Variants in CDKL1 observed in about 807,000 individuals in gnomAD.
CDKL1 encodes the protein cyclin dependent kinase like 1.
CDKL1 carries 41 observed loss-of-function variants against 42.0 expected under a neutral mutation model. The observed-to-expected ratio is 0.98, with a 90% CI of 0.76 to 1.27. CDKL1 has a LOEUF of 1.27. Ranked by LOEUF, CDKL1 falls within the 50% of genes most tolerant of loss-of-function variation. The pLI, the probability that CDKL1 is intolerant of heterozygous loss-of-function variation, is 0.00. For missense variants in CDKL1, 394 were observed against 428.4 expected, an observed-to-expected ratio of 0.92 and a Z score of 0.71; for synonymous variants, 153 against 158.6, an observed-to-expected ratio of 0.96 and a Z score of 0.26.
intron 7 of CDKL1, chr14:50,335,381 G>C: frequency 9.5e-7 from 1 of 1,048,512 alleles, no homozygotes; most frequent in Non-Finnish European, 1.4e-6. Context: ...CCCCTACCCA[G>C]GTGAACAGAT....
intron 3 of CDKL1, among the ~76,000 whole-genome samples, chr14:50,352,397 T>C (rs1181014330): frequency 6.6e-6 from 1 of 152,060 alleles, no homozygotes; most frequent in African/African-American, 2.4e-5. Context: ...TGGCAAAATT[T>C]ACAACTCAAA....
At chr14:50,353,529 GAATTT>G (rs56945220) in intron 3 of CDKL1, among the ~76,000 whole-genome samples, 95,997 of 151,298 alleles carry the variant, frequency 0.63, 30,517 homozygotes, top group African/African-American at 0.65. Flanking sequence ...ATATTACTAA[GAATTT>G]ATCCTAAAGA....
At chr14:50,390,297 G>A (rs1309132893) in intron 2 of CDKL1, 2 of 1,366,256 alleles carry the variant, frequency 1.5e-6, no homozygotes, top group Non-Finnish European at 2.0e-6. Flanking sequence ...TAGAACGTCT[G>A]CCCAGGGATC....
At chr14:50,377,958 T>TAA (rs771412562) in intron 2 of CDKL1, among the ~76,000 whole-genome samples, 1 of 152,008 alleles carries the variant, frequency 6.6e-6, no homozygotes, top group Admixed American at 6.6e-5. Flanking sequence ...TCTCAGGACT[T>TAA]AAAGGGCAGC....
At chr14:50,337,933 A>AATC (rs1053933530) in intron 7 of CDKL1, among the ~76,000 whole-genome samples, 1 of 151,560 alleles carries the variant, frequency 6.6e-6, no homozygotes, top group African/African-American at 2.4e-5. Flanking sequence ...AGCCTCCCAA[A>AATC]ATGCTGGGAT....
At chr14:50,360,780 GTGTGTT>G (rs1278101876) in intron 2 of CDKL1, among the ~76,000 whole-genome samples, 2 of 117,362 alleles carry the variant, frequency 1.7e-5, no homozygotes, top group Non-Finnish European at 3.4e-5. Flanking sequence ...ATAGACGTGT[GTGTGTT>G]TGTGTGTGTG....
intron 7 of CDKL1, chr14:50,335,632 G>A (rs936162801): frequency 2.6e-6 from 4 of 1,525,764 alleles, no homozygotes; most frequent in Middle Eastern, 1.7e-4. Flanking sequence ...ACTGACAAAG[G>A]CTAATTGAGC....
intron 2 of CDKL1, chr14:50,362,884 A>G: frequency 2.4e-6 from 1 of 419,214 alleles, no homozygotes; most frequent in South Asian, 1.6e-5. Context: ...AGCAGTGGCA[A>G]CCTACCCTGG....
intron 2 of CDKL1, among the ~76,000 whole-genome samples, chr14:50,385,538 G>T (rs574199590): frequency 7.2e-5 from 11 of 152,158 alleles, no homozygotes; most frequent in Admixed American, 5.9e-4. Context: ...AGGCGTGGTG[G>T]CTCACACCTG....
At chr14:50,358,056 GA>G in intron 3 of CDKL1, 1 of 1,355,644 alleles carries the variant, frequency 7.4e-7, no homozygotes, top group East Asian at 4.6e-5. Flanking sequence ...TTCAGGAAGG[GA>G]CCCCCTCCTC....
At chr14:50,378,936 C>A (rs2139510546) in intron 2 of CDKL1, among the ~76,000 whole-genome samples, 1 of 152,078 alleles carries the variant, frequency 6.6e-6, no homozygotes, top group South Asian at 2.1e-4. Flanking sequence ...ACTGCAACCT[C>A]CGCCTTCTGG....
At chr14:50,346,466 A>AT (rs111551329) in intron 3 of CDKL1, among the ~76,000 whole-genome samples, 110 of 145,548 alleles carry the variant, frequency 7.6e-4, no homozygotes, top group African/African-American at 7.0e-4. Flanking sequence ...TCCACTTTTA[A>AT]TTTTTTTTTT....
At position 50,338,958 on chromosome 14, in the gene CDKL1, G is replaced by T; in HGVS notation, c.727C>A (p.Pro243Thr). 6.2e-7 allele frequency: 1 copy of T among 1,606,796 alleles called. No homozygotes were observed. The highest frequency in any genetic ancestry group is 1.1e-5 in the South Asian group (1 of 90,958). Residue 243 changes from proline (P) to threonine (T), a missense_variant, in exon 7 of 10, where the codon CCT becomes ACT. By Grantham distance (38) the Pro-to-Thr change is conservative. Coordinates refer to ENST00000395834, the MANE Select transcript of CDKL1 (RefSeq NM_004196.7). Reference sequence around the variant, plus strand: ...AATGGGTAACTCACCATATCTTCAGGGTCTGGAATTTTCACTCCACTGAAG... The same window carrying T: ...AATGGGTAACTCACCATATCTTCAGTGTCTGGAATTTTCACTCCACTGAAG... The part of the protein sequence containing the change: ...QYFSGVKIPD[P>T]EDMEPLELKF...
rs2034268159 is a variant in CDKL1 at position 50,362,057 on chromosome 14, C to T, written c.169-2908G>A. 7 of 222,938 alleles carry T rather than the reference C, an allele frequency of 3.1e-5. 1 individual carries two copies. Among genetic ancestry groups the T allele is most frequent in the South Asian group, 2.9e-4 (7 of 24,296 alleles). 13.8% of individuals were successfully genotyped at this position (222,938 alleles called of 1,614,324 possible). On this transcript the variant is annotated intron_variant, in intron 2 of 9. Coordinates refer to ENST00000395834, the MANE Select transcript of CDKL1 (RefSeq NM_004196.7). ...CCCACAAGCCCCGGGCAGTGAGGGGCTTAGCACCTGGGCCAGCAGCTGCTG... is the reference window on the plus strand; with the variant it reads ...CCCACAAGCCCCGGGCAGTGAGGGGTTTAGCACCTGGGCCAGCAGCTGCTG...
intron 8 of CDKL1, chr14:50,333,524 C>CGTAA (rs200027456): frequency 4.1e-5 from 4 of 97,592 alleles, no homozygotes; most frequent in African/African-American, 1.5e-4. Context: ...CTGGAAAACT[C>CGTAA]ATAAACCACC....
rs1370970952 is a variant in CDKL1, at chr14:50,384,763, T to G, written c.168+10938A>C. ...AAAAATAACTATTTTACAATAACTGTTTTACATCACCATTGGTTGATGCCG... is the reference window on the plus strand; with the variant it reads ...AAAAATAACTATTTTACAATAACTGGTTTACATCACCATTGGTTGATGCCG... On this transcript the variant is annotated intron_variant, in intron 2 of 9. Transcript: ENST00000395834. Among the ~76,000 whole-genome samples the G allele has an allele frequency of 2.0e-5, 3 of 151,766 alleles. No homozygotes were observed. In the South Asian group the frequency reaches 6.2e-4, roughly 32 times the overall value.
At chr14:50,363,038 C>T in intron 2 of CDKL1, 1 of 438,936 alleles carries the variant, frequency 2.3e-6, no homozygotes. Flanking sequence ...CACGAACCCA[C>T]TGGGAGGAAA....
intron 7 of CDKL1, among the ~76,000 whole-genome samples, chr14:50,337,073 A>G (rs1055871201): frequency 3.3e-5 from 5 of 151,794 alleles, no homozygotes; most frequent in Non-Finnish European, 7.4e-5. Context: ...TACTGACGTG[A>G]TCTCGGCTCA....
At chr14:50,362,885 C>T (rs1212789397) in intron 2 of CDKL1, 1 of 418,114 alleles carries the variant, frequency 2.4e-6, no homozygotes, top group Non-Finnish European at 5.2e-6. Context: ...GCAGTGGCAA[C>T]CTACCCTGGG....
Sources: gnomAD v4.1 joint callset for allele counts (sites outside exome capture counted in the v4.1 genomes callset) on GRCh38, gnomAD v4.1.1 for gene constraint, MANE v1.5 for transcripts, NCBI Gene and HGNC (gene_info 2026-07-23, HGNC 2026-07-21) for gene names.